The following TMED3 variants were observed in gnomAD, a reference collection of about 807,000 sequenced individuals.
TMED3 encodes the protein transmembrane p24 trafficking protein 3, also known as transmembrane emp24 domain-containing protein 3.
Under a neutral mutation model 15.0 loss-of-function variants are expected in TMED3, and 9 were observed. The observed-to-expected ratio is 0.60, with a 90% CI of 0.36 to 1.04. TMED3 has a LOEUF of 1.04. Among genes scored for constraint, TMED3 ranks in the 50% least tolerant of loss-of-function variants. The probability of loss-of-function intolerance (pLI) is 0.01; values close to 1 mark genes in which losing one functional copy is unlikely to be tolerated. For missense variants in TMED3, 267 were observed against 278.9 expected (o/e 0.96, Z 0.30); for synonymous variants, 117 against 121.4 (o/e 0.96, Z 0.24).
At chr15:79,347,606 A>G (rs185805286) in intron 2 of TMED3, among the ~76,000 whole-genome samples, 1 of 152,334 alleles carries the variant, frequency 6.6e-6, no homozygotes, top group African/African-American at 2.4e-5. Flanking sequence ...TTGTTTGCAG[A>G]TGACATGATA....
chr15:79,353,943 A>G (rs182828784), intron 2 of TMED3, among the ~76,000 whole-genome samples: 12 of 152,256 alleles, frequency 7.9e-5, no homozygotes, highest in Admixed American at 6.5e-4. Flanking sequence ...CCTTGTCTAG[A>G]CAATTATGAG....
chr15:79,333,743 C>G (rs2058817896), intron 2 of TMED3, among the ~76,000 whole-genome samples: 1 of 152,156 alleles, frequency 6.6e-6, no homozygotes, highest in African/African-American at 2.4e-5. Flanking sequence ...ATATAGACTC[C>G]TGGTGGCTGA....
At chr15:79,355,626 T>C (rs76378367) in intron 2 of TMED3, among the ~76,000 whole-genome samples, 1,867 of 152,258 alleles carry the variant, frequency 0.012, 84 homozygotes, top group East Asian at 0.11. Context: ...GCAAATACAC[T>C]GCAACCCTCA....
rs143416989 is a variant in TMED3 at position 79,409,673 on chromosome 15, T to C, written c.418-1727T>C. On this transcript the variant is annotated intron_variant, in intron 2 of 2. Coordinates refer to the TMED3 transcript ENST00000424155. ...CAAATAAAAGCACTTTGTCTGAATGTTTTCCTCAGCCTTCTGCTCTTATTA... is the reference window on the plus strand; with the variant it reads ...CAAATAAAAGCACTTTGTCTGAATGCTTTCCTCAGCCTTCTGCTCTTATTA... 2.0e-5 allele frequency among the ~76,000 whole-genome samples: 3 copies of C among 152,226 alleles called. No individual in the cohort carries two copies. The East Asian group carries it at 5.8e-4, about 29-fold the overall frequency.
At chr15:79,400,860 C>T (rs751299111) in intron 2 of TMED3, among the ~76,000 whole-genome samples, 32 of 152,176 alleles carry the variant, frequency 2.1e-4, no homozygotes, top group Admixed American at 7.9e-4. Context: ...TAATAATTCT[C>T]CTGTGGTGAC....
At chr15:79,352,228 C>G (rs561738191) in intron 2 of TMED3, among the ~76,000 whole-genome samples, 208 of 152,048 alleles carry the variant, frequency 1.4e-3, no homozygotes, top group Non-Finnish European at 2.4e-3. Context: ...AAAGAAACAC[C>G]CACCTCTTTG....
intron 2 of TMED3, among the ~76,000 whole-genome samples, chr15:79,368,409 A>G (rs534062337): frequency 2.8e-4 from 43 of 152,214 alleles, no homozygotes; most frequent in Non-Finnish European, 5.0e-4. Flanking sequence ...CCTTTAGTGA[A>G]AAAGGTGGGG....
At chr15:79,401,672 T>C (rs1266662243) in intron 2 of TMED3, among the ~76,000 whole-genome samples, 1 of 152,070 alleles carries the variant, frequency 6.6e-6, no homozygotes, top group South Asian at 2.1e-4. Flanking sequence ...AACAGTGACA[T>C]GGGGTAGTGC....
chr15:79,342,128 CAA>C (rs765095151), intron 2 of TMED3, among the ~76,000 whole-genome samples: 3 of 152,054 alleles, frequency 2.0e-5, no homozygotes, highest in Non-Finnish European at 2.9e-5. Context: ...CGTTACAAAA[CAA>C]GAGTTTGAAG....
chr15:79,364,430 T>C (rs960975785), intron 2 of TMED3, among the ~76,000 whole-genome samples: 1 of 151,858 alleles, frequency 6.6e-6, no homozygotes, highest in African/African-American at 2.4e-5. Context: ...TTGATACGGA[T>C]AGGAGACAGA....
At chr15:79,367,487 C>G (rs1893257847) in intron 2 of TMED3, among the ~76,000 whole-genome samples, 1 of 152,150 alleles carries the variant, frequency 6.6e-6, no homozygotes, top group African/African-American at 2.4e-5. Flanking sequence ...CCTAAAACAC[C>G]TAATGCAAGC....
chr15:79,340,890 A>G (rs1179068340), intron 2 of TMED3, among the ~76,000 whole-genome samples: 1 of 151,958 alleles, frequency 6.6e-6, no homozygotes, highest in Non-Finnish European at 1.5e-5. Context: ...ATTGAGTGAG[A>G]GGGGTCAGAT....
intron 2 of TMED3, among the ~76,000 whole-genome samples, chr15:79,386,704 A>ATTTTTTTTTTTTTTTTTTGTTT (rs35828266): frequency 8.0e-6 from 1 of 125,182 alleles, no homozygotes; most frequent in South Asian, 2.8e-4. Flanking sequence ...ATGCCTGGCT[A>ATTTTTTTTTTTTTTTTTTGTTT]TTTTTTTTTT....
rs151182302 is a variant in TMED3 at position 79,395,240 on chromosome 15, C to T, written c.418-16160C>T. On this transcript the variant is annotated intron_variant, in intron 2 of 2. Coordinates refer to the TMED3 transcript ENST00000424155. ...TGTTGCCCAGGCTGGAGTGCAGTGG[C>T]ACGATCTCGGCCCACTGAAACCTCC... Among the ~76,000 whole-genome samples the T allele has an allele frequency of 4.8e-3, 736 of 152,318 alleles. 8 individuals carry two copies. Among genetic ancestry groups the T allele is most frequent in the African/African-American group, 0.017 (721 of 41,560 alleles).
chr15:79,337,164 C>T (rs982697998), intron 2 of TMED3, among the ~76,000 whole-genome samples: 2 of 152,174 alleles, frequency 1.3e-5, no homozygotes, highest in African/African-American at 2.4e-5. Context: ...ATTTTCTCAC[C>T]GTTCTGGAGG....
At chr15:79,394,380 TC>T (rs1488058663) in intron 2 of TMED3, among the ~76,000 whole-genome samples, 1 of 152,178 alleles carries the variant, frequency 6.6e-6, no homozygotes, top group African/African-American at 2.4e-5. Flanking sequence ...TCTGGTTGTG[TC>T]TCTGGCTAGG....
At chr15:79,313,724 C>G (rs1164953431) in intron 1 of TMED3, 33 bp from the exon 2 acceptor site, 1 of 1,599,774 alleles carries the variant, frequency 6.3e-7, no homozygotes, top group East Asian at 2.2e-5. Flanking sequence ...GTGGTTGCTC[C>G]TTTGATAACA....
chr15:79,319,292 G>A (rs2058754174), intron 2 of TMED3, among the ~76,000 whole-genome samples: 2 of 152,222 alleles, frequency 1.3e-5, no homozygotes, highest in South Asian at 4.1e-4. Context: ...AGGTAGACCT[G>A]TTGCCAGAAA....
intron 2 of TMED3, among the ~76,000 whole-genome samples, chr15:79,389,853 A>G (rs992663723): frequency 6.6e-6 from 1 of 151,882 alleles, no homozygotes; most frequent in Non-Finnish European, 1.5e-5. Flanking sequence ...TGCAACTGTC[A>G]TAAAAGGGGT....
Sources: allele counts gnomAD v4.1 joint callset (sites outside exome capture counted in the v4.1 genomes callset), GRCh38; gene constraint gnomAD v4.1.1; transcripts MANE v1.5; gene names NCBI Gene and HGNC (gene_info 2026-07-23, HGNC 2026-07-21).